Variants in VAC14 observed in about 807,000 individuals in gnomAD.
The protein encoded by VAC14 is VAC14 component of PIKFYVE complex, also known as protein VAC14 homolog.
A neutral mutation model predicts 85.3 loss-of-function variants in VAC14; 47 were observed. The ratio of observed to expected loss-of-function variants is 0.55; its 90% CI spans 0.44 to 0.70. The LOEUF (loss-of-function observed/expected upper bound fraction) is 0.70, where lower values mean the gene tolerates loss of function less well. Among genes scored for constraint, VAC14 ranks in the 30% least tolerant of loss-of-function variants. The pLI is 0.00. For synonymous variants in VAC14, 447 were observed against 430.5 expected (o/e 1.04, Z -0.47); for missense variants, 861 against 1,004.3 (o/e 0.86, Z 1.93).
chr16:70,715,095 G>A (rs1254905896), intron 14 of VAC14: 2 of 152,298 alleles, frequency 1.3e-5, no homozygotes, highest in East Asian at 3.8e-4. Context: ...GGCTCACAGG[G>A]TACCTCAGAG....
intron 15 of VAC14, among the ~76,000 whole-genome samples, chr16:70,697,859 C>T (rs2053745314): frequency 6.6e-6 from 1 of 152,214 alleles, no homozygotes; most frequent in South Asian, 2.1e-4. Context: ...AGACATGGGC[C>T]TGGATATCCC....
chr16:70,762,712 C>G lies in VAC14; in HGVS notation c.1306-107G>C. 6.7e-7 allele frequency: 1 copy of G among 1,489,140 alleles called. No individual in the cohort carries two copies. Among genetic ancestry groups the G allele is most frequent in the Non-Finnish European group, 9.2e-7 (1 of 1,083,754 alleles). 92.2% of individuals were successfully genotyped at this position (1,489,140 alleles called of 1,614,324 possible). ...CACGGACCCACTGGTCTGCACGGAC[C>G]ACTTCCCTCCCCGACACAATGAGGG... On this transcript the variant is annotated intron_variant, in intron 11 of 18. Coordinates refer to ENST00000261776, the MANE Select transcript of VAC14 (RefSeq NM_018052.5). This position sits in a 1 kb window ranked among gnomAD's most constrained non-coding sequence, Gnocchi z 4.1.
chr16:70,689,991 T>C, intron 18 of VAC14: 1 of 985,438 alleles, frequency 1.0e-6, no homozygotes, highest in East Asian at 1.1e-4. Context: ...CTTCTGATGC[T>C]GGGCACCCAC....
intron 14 of VAC14, among the ~76,000 whole-genome samples, chr16:70,711,667 G>T (rs1255414701): frequency 6.6e-6 from 1 of 152,076 alleles, no homozygotes; most frequent in Non-Finnish European, 1.5e-5. Context: ...ACAGCTCACA[G>T]CTGCTGCCCT....
chr16:70,713,118 C>T (rs943043870), intron 14 of VAC14, among the ~76,000 whole-genome samples: 1 of 152,178 alleles, frequency 6.6e-6, no homozygotes, highest in African/African-American at 2.4e-5. Flanking sequence ...AGTCTGCCTG[C>T]TTGCAAGGAG....
chr16:70,757,716 T>A (rs1165483289), intron 12 of VAC14, among the ~76,000 whole-genome samples: 2 of 152,172 alleles, frequency 1.3e-5, no homozygotes, highest in Non-Finnish European at 2.9e-5. Context: ...CTGATCTCAA[T>A]GTGCATCTCC....
chr16:70,764,298 G>C (rs2032638289), intron 10 of VAC14, among the ~76,000 whole-genome samples: 1 of 152,214 alleles, frequency 6.6e-6, no homozygotes, highest in African/African-American at 2.4e-5. Flanking sequence ...AGGAGCTCCG[G>C]GCATGTGATA....
chr16:70,711,537 T>C (rs1308345013), intron 14 of VAC14, among the ~76,000 whole-genome samples: 1 of 152,034 alleles, frequency 6.6e-6, no homozygotes, highest in African/African-American at 2.4e-5. Context: ...GCCTCCTCTG[T>C]TCAAACAGAA....
chr16:70,692,475 G>A (rs1041524488), intron 18 of VAC14, among the ~76,000 whole-genome samples: 1 of 152,154 alleles, frequency 6.6e-6, no homozygotes, highest in Non-Finnish European at 1.5e-5. Context: ...TCCTCCCCCT[G>A]CCCGGTGTTT....
chr16:70,759,738 C>G (rs1363329734), intron 12 of VAC14, among the ~76,000 whole-genome samples: 2 of 152,184 alleles, frequency 1.3e-5, no homozygotes, highest in East Asian at 1.9e-4. Flanking sequence ...AAACCTTCCC[C>G]TGGTGAAATC....
intron 14 of VAC14, among the ~76,000 whole-genome samples, chr16:70,700,788 AG>A (rs1489629606): frequency 1.3e-5 from 2 of 152,188 alleles, no homozygotes; most frequent in African/African-American, 4.8e-5. Flanking sequence ...CACAGGAGGA[AG>A]GGGGGCGTTC....
At chr16:70,708,290 C>T (rs1765964809) in intron 14 of VAC14, among the ~76,000 whole-genome samples, 1 of 152,224 alleles carries the variant, frequency 6.6e-6, no homozygotes, top group Non-Finnish European at 1.5e-5. Flanking sequence ...TTTCAGCTTA[C>T]ACCACAAGGC....
intron 14 of VAC14, among the ~76,000 whole-genome samples, chr16:70,710,257 C>A (rs1167634057): frequency 6.6e-6 from 1 of 152,238 alleles, no homozygotes; most frequent in Admixed American, 6.5e-5. Context: ...GGGACACAGA[C>A]CTCCCTTCCC....
intron 13 of VAC14, among the ~76,000 whole-genome samples, chr16:70,740,834 CGAGG>C (rs1346895194): frequency 6.6e-6 from 1 of 152,190 alleles, no homozygotes; most frequent in African/African-American, 2.4e-5. Context: ...CACCGCTCTG[CGAGG>C]GAGGGAGAGA....
At chr16:70,747,593 C>T (rs2031015129) in intron 12 of VAC14, 1 of 152,158 alleles carries the variant, frequency 6.6e-6, no homozygotes, top group Non-Finnish European at 1.5e-5. Context: ...TGGGGTCTCA[C>T]CCACTCCCTG....
chr16:70,769,246 G>T (rs569077115), intron 10 of VAC14: 2 of 161,248 alleles, frequency 1.2e-5, no homozygotes, highest in Admixed American at 5.9e-5. Flanking sequence ...CCTTTCTGCC[G>T]TGGGAGGAGT....
intron 15 of VAC14, among the ~76,000 whole-genome samples, chr16:70,697,991 C>CT (rs3837789): frequency 0.52 from 79,707 of 151,962 alleles, 21,766 homozygotes; most frequent in Non-Finnish European, 0.6. Flanking sequence ...AGCCACCACC[C>CT]CAGCCGGGAC....
intron 9 of VAC14, chr16:70,772,413 CACAT>C: frequency 2.0e-6 from 1 of 494,726 alleles, no homozygotes. Flanking sequence ...CAGTGCTAAA[CACAT>C]CTGTCAAATC....
At chr16:70,744,076 A>G (rs1388375582) in intron 13 of VAC14, among the ~76,000 whole-genome samples, 2 of 152,138 alleles carry the variant, frequency 1.3e-5, no homozygotes, top group Admixed American at 6.5e-5. Flanking sequence ...GTTAGACCCC[A>G]AGACCGAAGC....
Sources: gnomAD v4.1 joint callset for allele counts (sites outside exome capture counted in the v4.1 genomes callset) on GRCh38, gnomAD v4.1.1 for gene constraint, Gnocchi (gnomAD v3.1) non-coding constraint, MANE v1.5 for transcripts, NCBI Gene and HGNC (gene_info 2026-07-23, HGNC 2026-07-21) for gene names.